DLG2: variants seen among roughly 807,000 people sequenced by gnomAD.
DLG2 encodes disks large homolog 2.
Under a neutral mutation model 132.5 loss-of-function variants are expected in DLG2, and 45 were observed. The ratio of observed to expected loss-of-function variants is 0.34; its 90% CI spans 0.27 to 0.44. DLG2 has a LOEUF of 0.44. DLG2 is among the 20% of genes least tolerant of loss of function. DLG2 has a pLI of 1.00. For synonymous variants in DLG2, 424 were observed against 419.6 expected (o/e 1.01, Z -0.13); for missense variants, 1,045 against 1,196.9 (o/e 0.87, Z 1.87).
intron 6 of DLG2, among the ~76,000 whole-genome samples, chr11:84,832,425 A>G (rs2079159386): frequency 6.6e-6 from 1 of 151,660 alleles, no homozygotes; most frequent in South Asian, 2.1e-4. Context: ...TAGAAATCTT[A>G]GGAGTGGCCT....
At chr11:85,255,736 A>T (rs572782854) in intron 4 of DLG2, among the ~76,000 whole-genome samples, 33 of 152,336 alleles carry the variant, frequency 2.2e-4, no homozygotes, top group African/African-American at 7.9e-4. Flanking sequence ...TTGGAAGACA[A>T]ATTTAAAATT....
At chr11:85,445,095 T>C (rs1045585926) in intron 3 of DLG2, among the ~76,000 whole-genome samples, 2 of 152,176 alleles carry the variant, frequency 1.3e-5, no homozygotes, top group Non-Finnish European at 2.9e-5. Flanking sequence ...GACCAACATC[T>C]ACAAATTCTA....
intron 6 of DLG2, among the ~76,000 whole-genome samples, chr11:84,849,528 G>C: frequency 6.6e-6 from 1 of 151,834 alleles, no homozygotes; most frequent in East Asian, 1.9e-4. Flanking sequence ...ACCCTAACAA[G>C]GTGTTGTTGT....
intron 6 of DLG2, among the ~76,000 whole-genome samples, chr11:84,778,493 T>C (rs1384656902): frequency 6.6e-6 from 1 of 152,200 alleles, no homozygotes. Context: ...TGCAAAATTG[T>C]TGGTATTTTG....
intron 7 of DLG2, among the ~76,000 whole-genome samples, chr11:84,432,192 A>G (rs960153777): frequency 6.6e-6 from 1 of 152,218 alleles, no homozygotes; most frequent in African/African-American, 2.4e-5. Flanking sequence ...GAGTGGAATA[A>G]GTGATGGATA....
chr11:85,366,426 A>G (rs923753875), intron 3 of DLG2, among the ~76,000 whole-genome samples: 1 of 152,148 alleles, frequency 6.6e-6, no homozygotes, highest in African/African-American at 2.4e-5. Flanking sequence ...AGACTCAAAA[A>G]CAAAAAGTCA....
At chr11:84,427,807 C>A (rs1331427448) in intron 7 of DLG2, among the ~76,000 whole-genome samples, 1 of 152,136 alleles carries the variant, frequency 6.6e-6, no homozygotes, top group Non-Finnish European at 1.5e-5. Flanking sequence ...CACAGGAATA[C>A]CACGGACCTC....
chr11:84,868,409 G>A (rs542848851), intron 6 of DLG2, among the ~76,000 whole-genome samples: 90 of 152,152 alleles, frequency 5.9e-4, no homozygotes, highest in African/African-American at 2.0e-3. Flanking sequence ...TGCATTCATT[G>A]CTTCAAGTAA....
chr11:84,972,068 AT>A (rs2054177606), intron 6 of DLG2, among the ~76,000 whole-genome samples: 1 of 152,186 alleles, frequency 6.6e-6, no homozygotes, highest in Non-Finnish European at 1.5e-5. Context: ...GGGGGAAAAC[AT>A]AAAATTTTAG....
chr11:85,559,095 A>G (rs1189694728), intron 3 of DLG2, among the ~76,000 whole-genome samples: 2 of 151,648 alleles, frequency 1.3e-5, no homozygotes, highest in Non-Finnish European at 2.9e-5. Context: ...AAAATGGAAT[A>G]TAGGGTTCCA....
chr11:84,650,929 G>A lies in DLG2; in HGVS notation c.358-116198C>T, dbSNP rs115463486. 1.8e-3 allele frequency among the ~76,000 whole-genome samples: 213 copies of A among 119,784 alleles called. 1 individual carries two copies. Among genetic ancestry groups the A allele is most frequent in the African/African-American group, 5.7e-3 (187 of 32,810 alleles). 78.6% of individuals were successfully genotyped at this position (119,784 alleles called of 152,430 possible). On this transcript the variant is annotated intron_variant, in intron 6 of 27. Coordinates refer to ENST00000376104, the MANE Select transcript of DLG2 (RefSeq NM_001142699.3). ...ATTTTTGTGCATTTGTTGAAGTACCGTTTGCATGGTAAAATTTCTGGAAAT... is the reference window on the plus strand; with the variant it reads ...ATTTTTGTGCATTTGTTGAAGTACCATTTGCATGGTAAAATTTCTGGAAAT...
At chr11:84,740,415 C>T in intron 6 of DLG2, among the ~76,000 whole-genome samples, 1 of 152,288 alleles carries the variant, frequency 6.6e-6, no homozygotes, top group South Asian at 2.1e-4. Flanking sequence ...GCCCTGAGCC[C>T]AGCTGGGAGA....
At chr11:84,467,900 AT>A (rs1259496630) in intron 7 of DLG2, among the ~76,000 whole-genome samples, 1 of 151,530 alleles carries the variant, frequency 6.6e-6, no homozygotes, top group East Asian at 1.9e-4. Flanking sequence ...TGATAATTCA[AT>A]AGGTAGATAG....
At chr11:83,952,848 C>A (rs901367006) in intron 14 of DLG2, among the ~76,000 whole-genome samples, 1 of 151,736 alleles carries the variant, frequency 6.6e-6, no homozygotes, top group Non-Finnish European at 1.5e-5. Flanking sequence ...TTTTATTTTA[C>A]AGTTTTTCTA....
At chr11:83,716,184 GTTTGT>G (rs2086663745) in intron 18 of DLG2, among the ~76,000 whole-genome samples, 2 of 152,122 alleles carry the variant, frequency 1.3e-5, no homozygotes, top group Admixed American at 6.6e-5. Context: ...GTGTTTTTTT[GTTTGT>G]TTTTTCTTTC....
At chr11:85,059,047 C>A (rs1215499995) in intron 6 of DLG2, among the ~76,000 whole-genome samples, 1 of 150,982 alleles carries the variant, frequency 6.6e-6, no homozygotes, top group Non-Finnish European at 1.5e-5. Context: ...TCAAAAGTCG[C>A]CGTTAGAAAA....
At chr11:84,635,167 G>T (rs953453466) in intron 6 of DLG2, among the ~76,000 whole-genome samples, 1 of 152,226 alleles carries the variant, frequency 6.6e-6, no homozygotes, top group Non-Finnish European at 1.5e-5. Flanking sequence ...TCAGACAGAA[G>T]ATCAGCATAT....
intron 6 of DLG2, among the ~76,000 whole-genome samples, chr11:84,972,943 T>G (rs1592056432): frequency 6.8e-6 from 1 of 146,742 alleles, no homozygotes; most frequent in African/African-American, 2.6e-5. Context: ...AAGCCTCAGT[T>G]TTTTGGGTTT....
intron 6 of DLG2, among the ~76,000 whole-genome samples, chr11:84,994,861 G>A (rs142442701): frequency 2.0e-3 from 307 of 152,190 alleles, no homozygotes; most frequent in Non-Finnish European, 3.7e-3. Flanking sequence ...CAGAACATAG[G>A]GCCTCTCTCA....
Sources: gnomAD v4.1 joint callset for allele counts (sites outside exome capture counted in the v4.1 genomes callset) on GRCh38, gnomAD v4.1.1 for gene constraint, MANE v1.5 for transcripts, NCBI Gene and HGNC (gene_info 2026-07-23, HGNC 2026-07-21) for gene names.